The following PRPF3 variants were observed in gnomAD, a reference collection of about 807,000 sequenced individuals.
PRPF3 encodes U4/U6 small nuclear ribonucleoprotein Prp3.
PRPF3 carries 3 observed loss-of-function variants against 89.2 expected under a neutral mutation model. The ratio of observed to expected loss-of-function variants is 0.03; its 90% CI spans 0.02 to 0.09. The LOEUF is 0.09. PRPF3 is among the 10% of genes least tolerant of loss of function. The pLI is 1.00. For missense variants in PRPF3, 463 were observed against 828.8 expected (o/e 0.56, Z 5.42); for synonymous variants, 270 against 289.1 (o/e 0.93, Z 0.67).
intron 3 of PRPF3, 24 bp downstream of exon 3, chr1:150,325,905 T>C (rs782397372): frequency 6.2e-7 from 1 of 1,609,792 alleles, no homozygotes; most frequent in Non-Finnish European, 8.5e-7. Flanking sequence ...TACTGTCTAA[T>C]GAGCTCAGGA....
intron 7 of PRPF3, among the ~76,000 whole-genome samples, chr1:150,337,703 G>A (rs1370827763): frequency 2.0e-5 from 3 of 151,576 alleles, no homozygotes; most frequent in South Asian, 2.1e-4. Flanking sequence ...GCGTGAACCC[G>A]GGAGGTGGAG....
At chr1:150,321,673 G>C (rs1655061096) in intron 1 of PRPF3, 81 bp downstream of exon 1, 1 of 152,648 alleles carries the variant, frequency 6.6e-6, no homozygotes, top group Admixed American at 6.6e-5. Flanking sequence ...GGGGAGGACC[G>C]AAGCGGGAGG....
chr1:150,329,037 C>CTTTTTTTT (rs113875026), intron 4 of PRPF3, among the ~76,000 whole-genome samples: 6,590 of 140,464 alleles, frequency 0.047, 424 homozygotes, highest in African/African-American at 0.12. Context: ...TTGGGGTAAA[C>CTTTTTTTT]TTTTTTTTTT....
chr1:150,350,352 C>G (rs1182474437), intron 15 of PRPF3, among the ~76,000 whole-genome samples: 1 of 152,000 alleles, frequency 6.6e-6, no homozygotes, highest in Non-Finnish European at 1.5e-5. Context: ...CAGGCATGAG[C>G]CACCACGCCT....
In PRPF3 at chr1:150,334,992, G is replaced by A. The variant is rs782088671; in HGVS notation, c.786G>A (p.Gly262=). ...KPTPLILDEQ[G]RTVDATGKEI... is the part of the protein sequence containing the mutation. ...CACCACTGATCCTGGATGAGCAAGG[G>A]CGCACTGTAGATGCAACAGGCAAGG... The change falls in exon 7 of 16, where the codon GGG becomes GGA. Residue 262 remains glycine, a synonymous_variant. Coordinates refer to ENST00000324862, the MANE Select transcript of PRPF3 (RefSeq NM_004698.4). 6 of 1,613,948 alleles carry A rather than the reference G, an allele frequency of 3.7e-6. No homozygotes were observed. In the Admixed American group the frequency reaches 6.7e-5, roughly 18 times the overall value.
At chr1:150,342,258 T>TA (rs1301787389) in intron 9 of PRPF3, among the ~76,000 whole-genome samples, 6 of 151,608 alleles carry the variant, frequency 4.0e-5, no homozygotes, top group African/African-American at 1.5e-4. Flanking sequence ...CGGGTGCCTG[T>TA]AGTCCCAGCT....
intron 15 of PRPF3, among the ~76,000 whole-genome samples, chr1:150,349,888 C>CGGGGGGGT (rs1553873934): frequency 2.7e-4 from 3 of 11,306 alleles, no homozygotes; most frequent in African/African-American, 1.3e-3. Flanking sequence ...TTTTTGGGGG[C>CGGGGGGGT]GGGGGGGCGG....
intron 15 of PRPF3, among the ~76,000 whole-genome samples, chr1:150,352,527 TG>T (rs77015496): frequency 0.33 from 49,958 of 151,924 alleles, 8,925 homozygotes; most frequent in Non-Finnish European, 0.4. Flanking sequence ...CAGCTGGGCG[TG>T]GTAGCGGGCG....
chr1:150,332,603 A>C (rs1395991286), intron 4 of PRPF3, 81 bp from the exon 5 acceptor site: 33 of 1,325,014 alleles, frequency 2.5e-5, no homozygotes, highest in Non-Finnish European at 3.5e-5. Flanking sequence ...TAGACCTGAG[A>C]GCCTTGTGGG....
intron 1 of PRPF3, among the ~76,000 whole-genome samples, chr1:150,324,387 C>T (rs1470508325): frequency 6.6e-6 from 1 of 152,142 alleles, no homozygotes; most frequent in Non-Finnish European, 1.5e-5. Context: ...CATTGATCAA[C>T]TTAAGAGTTA....
intron 4 of PRPF3, among the ~76,000 whole-genome samples, chr1:150,331,644 C>G (rs944186882): frequency 6.6e-6 from 1 of 152,140 alleles, no homozygotes; most frequent in Non-Finnish European, 1.5e-5. Flanking sequence ...GGATTACAGG[C>G]GTGAGCCACC....
At chr1:150,344,727 T>C (rs929796138) in intron 12 of PRPF3, among the ~76,000 whole-genome samples, 180 bp downstream of exon 12, 1 of 150,738 alleles carries the variant, frequency 6.6e-6, no homozygotes, top group Non-Finnish European at 1.5e-5. Flanking sequence ...TAATGACTTA[T>C]GTTTATGGTT....
At chr1:150,351,693 T>TTTTA (rs1273302225) in intron 15 of PRPF3, among the ~76,000 whole-genome samples, 1 of 144,158 alleles carries the variant, frequency 6.9e-6, no homozygotes, top group Non-Finnish European at 1.5e-5. Flanking sequence ...TTTTTTTTTT[T>TTTTA]AGAAATGGAT....
chr1:150,341,511 T>C (rs1447352691), intron 9 of PRPF3, among the ~76,000 whole-genome samples: 2 of 145,894 alleles, frequency 1.4e-5, no homozygotes, highest in Non-Finnish European at 3.0e-5. Context: ...GTTCAAGCAA[T>C]TCTCCTGCCT....
At chr1:150,325,194 G>T in intron 2 of PRPF3, 107 bp downstream of exon 2, 1 of 1,361,902 alleles carries the variant, frequency 7.3e-7, no homozygotes, top group Non-Finnish European at 1.0e-6. Context: ...AAAATGGCAG[G>T]CCATATTTTA....
At chr1:150,339,405 G>A (rs1471979257) in intron 8 of PRPF3, among the ~76,000 whole-genome samples, 2 of 150,060 alleles carry the variant, frequency 1.3e-5, no homozygotes, top group East Asian at 3.9e-4. Flanking sequence ...AGACACATTT[G>A]AAGAGCTTTA....
At chr1:150,324,815 G>A in intron 1 of PRPF3, 80 bp from the exon 2 acceptor site, 1 of 1,179,356 alleles carries the variant, frequency 8.5e-7, no homozygotes, top group South Asian at 1.3e-5. Flanking sequence ...CCAAAGTGCT[G>A]GGATTACAGG....
chr1:150,331,442 G>A, intron 4 of PRPF3, among the ~76,000 whole-genome samples: 1 of 151,980 alleles, frequency 6.6e-6, no homozygotes. Context: ...TTGGCTCACT[G>A]TAACCTCCAC....
chr1:150,336,668 A>C (rs972399215), intron 7 of PRPF3, among the ~76,000 whole-genome samples: 20 of 152,022 alleles, frequency 1.3e-4, no homozygotes, highest in Non-Finnish European at 2.6e-4. Context: ...AGTCAGGAGA[A>C]TCACTTGAAA....
Sources: gnomAD v4.1 joint callset for allele counts (sites outside exome capture counted in the v4.1 genomes callset) on GRCh38, gnomAD v4.1.1 for gene constraint, MANE v1.5 for transcripts, NCBI Gene and HGNC (gene_info 2026-07-23, HGNC 2026-07-21) for gene names.